The following TRIM22 variants were observed in gnomAD, a reference collection of about 807,000 sequenced individuals.
TRIM22 encodes tripartite motif containing 22.
Under a neutral mutation model 53.6 loss-of-function variants are expected in TRIM22, and 45 were observed. The observed-to-expected ratio is 0.84, with a 90% confidence interval of 0.66 to 1.08. The LOEUF (loss-of-function observed/expected upper bound fraction) is 1.08. Among genes scored for constraint, TRIM22 ranks in the 50% least tolerant of loss-of-function variants. TRIM22 has a pLI of 0.00. For synonymous variants in TRIM22, 225 were observed against 216.6 expected, an observed-to-expected ratio of 1.04 and a Z score of -0.34; for missense variants, 616 against 590.9, an observed-to-expected ratio of 1.04 and a Z score of -0.44.
At chr11:5,703,411 A>T (rs1853404363) in intron 4 of TRIM22, among the ~76,000 whole-genome samples, 1 of 146,618 alleles carries the variant, frequency 6.8e-6, no homozygotes, top group Non-Finnish European at 1.5e-5. Flanking sequence ...TTTGAGATGG[A>T]GTCTTGCTCT....
chr11:5,695,899 A>G (rs1853251441), intron 1 of TRIM22, among the ~76,000 whole-genome samples: 1 of 152,190 alleles, frequency 6.6e-6, no homozygotes, highest in Non-Finnish European at 1.5e-5. Context: ...AGCTCTTGGT[A>G]GAAGAGCCTC....
intron 1 of TRIM22, among the ~76,000 whole-genome samples, chr11:5,693,118 C>A (rs1306096591): frequency 6.6e-6 from 1 of 150,896 alleles, no homozygotes; most frequent in Non-Finnish European, 1.5e-5. Flanking sequence ...AACTCCTGAC[C>A]TCAGGTAATC....
rs144682854 is a variant in TRIM22 at position 5,703,721 on chromosome 11, T to C, written c.751-2873T>C. Reference sequence around the variant, plus strand: ...TTTATGACTATGTAGTATTCCATGGTGTATATGTACCACATTTTGTTTATC... The same window carrying C: ...TTTATGACTATGTAGTATTCCATGGCGTATATGTACCACATTTTGTTTATC... On this transcript the variant is annotated intron_variant, in intron 4 of 7. Coordinates refer to ENST00000379965, the MANE Select transcript of TRIM22 (RefSeq NM_006074.5). Among the ~76,000 whole-genome samples, 246 of 152,234 alleles carry C rather than the reference T, an allele frequency of 1.6e-3. 2 individuals are homozygous for C. Among genetic ancestry groups the C allele is most frequent in the African/African-American group, 5.6e-3 (234 of 41,536 alleles).
intron 1 of TRIM22, among the ~76,000 whole-genome samples, chr11:5,690,400 T>A (rs1199034697): frequency 6.6e-6 from 1 of 152,166 alleles, no homozygotes; most frequent in Non-Finnish European, 1.5e-5. Context: ...CTAGACTCAG[T>A]TGGCTAAACA....
chr11:5,693,588 T>C (rs1853210149), intron 1 of TRIM22, among the ~76,000 whole-genome samples: 1 of 151,584 alleles, frequency 6.6e-6, no homozygotes, highest in African/African-American at 2.4e-5. Context: ...CCGGGTGTGG[T>C]GGCGGGCGCC....
At chr11:5,704,417 G>T in intron 4 of TRIM22, among the ~76,000 whole-genome samples, 1 of 151,932 alleles carries the variant, frequency 6.6e-6, no homozygotes, top group African/African-American at 2.4e-5. Flanking sequence ...TTTCTTATCA[G>T]TTTTTAGGAT....
chr11:5,706,626 G>T lies in TRIM22; in HGVS notation c.773+10G>T. On this transcript the variant is annotated intron_variant, in intron 5 of 7. Transcript: ENST00000379965. ...TTGACGTCATGAAAAGGTATATGTGGAAGAGAGATGTGGTCTTATTTGTCT... is the reference window on the plus strand; with the variant it reads ...TTGACGTCATGAAAAGGTATATGTGTAAGAGAGATGTGGTCTTATTTGTCT... The T allele has an allele frequency of 6.2e-7, 1 of 1,605,382 alleles. No homozygotes were observed.
intron 1 of TRIM22, among the ~76,000 whole-genome samples, chr11:5,690,869 G>C (rs1853162247): frequency 1.3e-5 from 2 of 152,182 alleles, no homozygotes; most frequent in African/African-American, 4.8e-5. Flanking sequence ...ATCTGGATCT[G>C]GGTATGAGGC....
chr11:5,691,746 G>C (rs1853175391), intron 1 of TRIM22, among the ~76,000 whole-genome samples: 1 of 152,122 alleles, frequency 6.6e-6, no homozygotes, highest in South Asian at 2.1e-4. Context: ...AATTTCTCCT[G>C]AGTCTTATCT....
chr11:5,702,315 ATAATATAAC>A (rs1321421984), intron 4 of TRIM22, among the ~76,000 whole-genome samples: 2 of 146,118 alleles, frequency 1.4e-5, no homozygotes, highest in South Asian at 2.1e-4. Flanking sequence ...AATATGCCTA[ATAATATAAC>A]TAATATAACT....
At chr11:5,697,735 T>C (rs1853291782) in intron 3 of TRIM22, 1 of 183,548 alleles carries the variant, frequency 5.4e-6, no homozygotes, top group Admixed American at 5.6e-5. Context: ...ACAGAGTCTC[T>C]CTCTGTCATA....
rs1315618058 is a variant in TRIM22, at chr11:5,697,245, C to T, written c.424-3C>T. 2 of 1,600,982 alleles carry T rather than the reference C, an allele frequency of 1.2e-6. No individual in the cohort carries two copies. Among genetic ancestry groups the T allele is most frequent in the Non-Finnish European group, 1.7e-6 (2 of 1,174,388 alleles). On this transcript the variant is annotated splice_polypyrimidine_tract_variant and splice_region_variant and intron_variant, in intron 2 of 7. Coordinates refer to ENST00000379965, the MANE Select transcript of TRIM22 (RefSeq NM_006074.5). ...TTACTCTGGTATAATTTATTTCTTA[C>T]AGGAAAAGCTGCAGGTAGCCCTGCA...
intron 4 of TRIM22, among the ~76,000 whole-genome samples, chr11:5,704,182 T>C (rs1222835658): frequency 6.6e-6 from 1 of 152,202 alleles, no homozygotes; most frequent in African/African-American, 2.4e-5. Flanking sequence ...CCAAACCAAA[T>C]ATAGTTTTAC....
chr11:5,695,288 A>G (rs1853239469), intron 1 of TRIM22, among the ~76,000 whole-genome samples: 1 of 152,200 alleles, frequency 6.6e-6, no homozygotes, highest in Admixed American at 6.5e-5. Flanking sequence ...TAAATGTAAG[A>G]GTGAGTCTTG....
At chr11:5,697,480 A>T in intron 3 of TRIM22, 137 bp downstream of exon 3, 1 of 605,940 alleles carries the variant, frequency 1.7e-6, no homozygotes, top group Non-Finnish European at 2.8e-6. Context: ...GTCTCAATTT[A>T]ACTCCTTCCC....
intron 4 of TRIM22, among the ~76,000 whole-genome samples, chr11:5,699,397 G>A (rs12222909): frequency 0.038 from 5,481 of 143,330 alleles, 370 homozygotes; most frequent in East Asian, 0.19. Context: ...GGTGGCGGGC[G>A]CCTGTAGTCC....
At chr11:5,704,573 T>C (rs1203219644) in intron 4 of TRIM22, among the ~76,000 whole-genome samples, 1 of 152,226 alleles carries the variant, frequency 6.6e-6, no homozygotes, top group African/African-American at 2.4e-5. Context: ...ATTCTGTAGA[T>C]TGCCTTTTCG....
Position 5,709,775 on chromosome 11 carries a change from T to C in TRIM22, c.*127T>C, listed in dbSNP as rs1366702142. The C allele has an allele frequency of 9.6e-6, 8 of 829,116 alleles. No homozygotes were observed. The highest frequency in any genetic ancestry group is 1.5e-5 in the Non-Finnish European group (8 of 530,296). The allele number at this position is 829,116 out of a possible 1,614,324, so 51.4% of individuals were successfully genotyped here. ...TCCCCTTCTTTTACTTAGAATGTCTTTGTATTCATTTGCTAGGGCTTCCAT... is the reference window on the plus strand; with the variant it reads ...TCCCCTTCTTTTACTTAGAATGTCTCTGTATTCATTTGCTAGGGCTTCCAT... On this transcript the variant is annotated 3_prime_UTR_variant, in exon 8 of 8. Coordinates refer to ENST00000379965, the MANE Select transcript of TRIM22 (RefSeq NM_006074.5).
Position 5,695,336 on chromosome 11 carries a change from G to A in TRIM22, c.-66-831G>A, listed in dbSNP as rs569284172. Among the ~76,000 whole-genome samples the A allele has an allele frequency of 6.6e-5, 10 of 152,096 alleles. No individual in the cohort carries two copies. In the South Asian group the frequency reaches 1.7e-3, roughly 25 times the overall value. ...GGAGGATCATTTTATGCAGAGAGAG[G>A]AGCAAGTGCAAAAGCCTTGAGGAGC... is the stretch of plus-strand genomic sequence containing the variant. On this transcript the variant is annotated intron_variant, in intron 1 of 7. Coordinates refer to ENST00000379965, the MANE Select transcript of TRIM22 (RefSeq NM_006074.5).
Sources: allele counts gnomAD v4.1 joint callset (sites outside exome capture counted in the v4.1 genomes callset), GRCh38; gene constraint gnomAD v4.1.1; transcripts MANE v1.5; gene names NCBI Gene and HGNC (gene_info 2026-07-23, HGNC 2026-07-21).